FNDC7: variants seen among roughly 807,000 people sequenced by gnomAD.
FNDC7 encodes fibronectin type III domain-containing protein 7.
Under a neutral mutation model 74.2 loss-of-function variants are expected in FNDC7, and 66 were observed. The observed-to-expected ratio is 0.89, with a 90% CI of 0.73 to 1.09. FNDC7 has a LOEUF of 1.09. Among genes scored for constraint, FNDC7 ranks in the 50% least tolerant of loss-of-function variants. The probability of loss-of-function intolerance (pLI) is 0.00; values close to 1 mark genes in which losing one functional copy is unlikely to be tolerated. For synonymous variants in FNDC7, 307 were observed against 330.2 expected, an observed-to-expected ratio of 0.93 and a Z score of 0.76; for missense variants, 829 against 893.4, an observed-to-expected ratio of 0.93 and a Z score of 0.92.
rs758338804 is a variant in FNDC7 at position 108,725,746 on chromosome 1, C to T, written c.857-4C>T. On this transcript the variant is annotated splice_polypyrimidine_tract_variant and splice_region_variant and intron_variant, in intron 5 of 12. Coordinates refer to ENST00000370017, the MANE Select transcript of FNDC7 (RefSeq NM_001144937.3). ...TCTCATGTTTATTATTGATCATTTCCTAGTTGCTTGTGCACCCGGAAGAGT... is the reference window on the plus strand; with the variant it reads ...TCTCATGTTTATTATTGATCATTTCTTAGTTGCTTGTGCACCCGGAAGAGT... The T allele has an allele frequency of 6.8e-6, 11 of 1,612,864 alleles. 1 individual carries two copies. The South Asian group carries it at 1.2e-4, about 18-fold the overall frequency.
chr1:108,721,037 C>T (rs1661081140), intron 4 of FNDC7, among the ~76,000 whole-genome samples: 1 of 152,212 alleles, frequency 6.6e-6, no homozygotes, highest in South Asian at 2.1e-4. Flanking sequence ...CAGCCCTGGG[C>T]CCAGCACTTC....
intron 11 of FNDC7, 21 bp downstream of exon 11, chr1:108,737,545 A>T: frequency 6.3e-7 from 1 of 1,583,248 alleles, no homozygotes. Flanking sequence ...TTTCTCATGG[A>T]TAAAATAGAA....
intron 11 of FNDC7, among the ~76,000 whole-genome samples, chr1:108,740,460 TG>T (rs1397413607): frequency 2.0e-5 from 3 of 151,584 alleles, no homozygotes; most frequent in African/African-American, 7.3e-5. Context: ...CTTTAGTAGC[TG>T]GGATTACAGA....
intron 6 of FNDC7, among the ~76,000 whole-genome samples, chr1:108,726,631 G>T (rs925493923): frequency 2.6e-5 from 4 of 151,656 alleles, no homozygotes; most frequent in African/African-American, 9.7e-5. Flanking sequence ...TACTAGGCTT[G>T]CATCTTGTAC....
At chr1:108,732,215 C>T (rs1428701036) in intron 9 of FNDC7, among the ~76,000 whole-genome samples, 1 of 151,890 alleles carries the variant, frequency 6.6e-6, no homozygotes, top group Non-Finnish European at 1.5e-5. Context: ...AAAAAATAGC[C>T]AGGCGTGGTG....
chr1:108,715,428 A>T (rs1240664921), intron 2 of FNDC7, among the ~76,000 whole-genome samples: 1 of 152,222 alleles, frequency 6.6e-6, no homozygotes, highest in African/African-American at 2.4e-5. Context: ...CTTCTCATCT[A>T]CTAAAGGGCA....
chr1:108,733,599 T>A, intron 10 of FNDC7, 67 bp downstream of exon 10: 1 of 1,434,280 alleles, frequency 7.0e-7, no homozygotes. Context: ...TAAGATGCAA[T>A]CAAACTTATT....
intron 9 of FNDC7, among the ~76,000 whole-genome samples, chr1:108,732,916 G>A (rs912479178): frequency 6.6e-6 from 1 of 150,882 alleles, no homozygotes; most frequent in African/African-American, 2.4e-5. Context: ...CCACAGGTGT[G>A]CACCACCACA....
intron 2 of FNDC7, among the ~76,000 whole-genome samples, chr1:108,713,948 AAT>A (rs1660924135): frequency 6.6e-6 from 1 of 152,244 alleles, no homozygotes; most frequent in Non-Finnish European, 1.5e-5. Context: ...TTAAATTGTC[AAT>A]ATTCCCTACT....
intron 11 of FNDC7, among the ~76,000 whole-genome samples, chr1:108,740,202 T>C (rs2101093172): frequency 6.6e-6 from 1 of 151,706 alleles, no homozygotes; most frequent in East Asian, 1.9e-4. Context: ...TCCAATCAGG[T>C]CCCTGGGCTG....
At chr1:108,726,320 C>A (rs1353357323) in intron 6 of FNDC7, among the ~76,000 whole-genome samples, 2 of 152,200 alleles carry the variant, frequency 1.3e-5, no homozygotes, top group Non-Finnish European at 2.9e-5. Context: ...AGAGAGAAGG[C>A]AGTGCCTCCG....
rs1313682348 is a variant in FNDC7 at position 108,717,950 on chromosome 1, G to T, written c.256G>T (p.Ala86Ser). The change falls in exon 3 of 13, where the codon GCA becomes TCA. Residue 86 changes from alanine to serine, a missense_variant. Coordinates refer to ENST00000370017, the MANE Select transcript of FNDC7 (RefSeq NM_001144937.3). ...SPGTVTGLKAATWYEITIRSI... is the reference protein window; with the variant it reads ...SPGTVTGLKASTWYEITIRSI... ...AGGCACTGTGACGGGACTAAAGGCT[G>T]CAACCTGGTATGAAATCACCATCAG... 1.3e-6 allele frequency: 2 copies of T among 1,551,744 alleles called. No individual in the cohort carries two copies. The highest frequency in any genetic ancestry group is 3.9e-5 in the Admixed American group (2 of 51,008).
chr1:108,718,258 G>A (rs1053060859), intron 3 of FNDC7, among the ~76,000 whole-genome samples: 3 of 152,190 alleles, frequency 2.0e-5, no homozygotes, highest in African/African-American at 7.2e-5. Context: ...CCATTTCTGG[G>A]CATCTTTAAA....
chr1:108,715,007 T>A (rs1289331025), intron 2 of FNDC7, among the ~76,000 whole-genome samples: 7 of 152,164 alleles, frequency 4.6e-5, no homozygotes, highest in Non-Finnish European at 1.0e-4. Flanking sequence ...TTTTGGTGTT[T>A]ATAGCATCTG....
Position 108,730,663 on chromosome 1 carries a change from T to C in FNDC7, c.1625-11T>C. On this transcript the variant is annotated splice_polypyrimidine_tract_variant and intron_variant, in intron 8 of 12. Transcript: ENST00000370017. ...TAAATCTCCAATTCTTTTTCTTTTATCCCATTTAAGTGCCATGCTGTCCAA... is the reference window on the plus strand; with the variant it reads ...TAAATCTCCAATTCTTTTTCTTTTACCCCATTTAAGTGCCATGCTGTCCAA... The C allele has an allele frequency of 6.7e-7, 1 of 1,503,446 alleles. No individual in the cohort carries two copies. The highest frequency in any genetic ancestry group is 8.9e-7 in the Non-Finnish European group (1 of 1,123,708). The allele number at this position is 1,503,446 out of a possible 1,614,324, so 93.1% of individuals were successfully genotyped here.
chr1:108,728,074 C>T lies in FNDC7; in HGVS notation c.1369+9C>T. 1.2e-6 allele frequency: 2 copies of T among 1,609,786 alleles called. No individual in the cohort carries two copies. Among genetic ancestry groups the T allele is most frequent in the Non-Finnish European group, 1.7e-6 (2 of 1,177,496 alleles). ...CCAGTTCATAACCACAGGTAAGGCA[C>T]AGCTATCATTCCACTCACTGGTGTC... On this transcript the variant is annotated intron_variant, in intron 7 of 12. Coordinates refer to ENST00000370017, the MANE Select transcript of FNDC7 (RefSeq NM_001144937.3).
intron 8 of FNDC7, 44 bp from the exon 9 acceptor site, chr1:108,730,630 A>G: frequency 6.7e-7 from 1 of 1,492,370 alleles, no homozygotes; most frequent in Non-Finnish European, 9.0e-7. Context: ...AATAATCTTC[A>G]GTGGAAATAA....
chr1:108,738,963 A>G (rs897467774), intron 11 of FNDC7, among the ~76,000 whole-genome samples: 8 of 152,190 alleles, frequency 5.3e-5, no homozygotes, highest in Admixed American at 5.2e-4. Flanking sequence ...AGTGAAAGGT[A>G]CATGGACCTA....
At chr1:108,722,797 G>A (rs907427119) in intron 5 of FNDC7, among the ~76,000 whole-genome samples, 1 of 152,192 alleles carries the variant, frequency 6.6e-6, no homozygotes, top group Non-Finnish European at 1.5e-5. Context: ...AGCACTTTTT[G>A]GAAAATTAGG....
Sources: allele counts gnomAD v4.1 joint callset (sites outside exome capture counted in the v4.1 genomes callset), GRCh38; gene constraint gnomAD v4.1.1; transcripts MANE v1.5; gene names NCBI Gene and HGNC (gene_info 2026-07-23, HGNC 2026-07-21).